CFAP299: variants seen among roughly 807,000 people sequenced by gnomAD.
CFAP299 encodes cilia and flagella associated protein 299.
Under a neutral mutation model 27.0 loss-of-function variants are expected in CFAP299, and 21 were observed. The ratio of observed to expected loss-of-function variants is 0.78; its 90% CI spans 0.55 to 1.12. The LOEUF (loss-of-function observed/expected upper bound fraction) is 1.12. Among genes scored for constraint, CFAP299 ranks in the 50% most tolerant of loss-of-function variants. The pLI is 0.00. For missense variants in CFAP299, 310 were observed against 276.6 expected (o/e 1.12, Z -0.86); for synonymous variants, 104 against 98.1 (o/e 1.06, Z -0.36).
At position 80,681,812 on chromosome 4, in the gene CFAP299, A is replaced by G. The variant is rs192813974; in HGVS notation, c.333+98629A>G. Among the ~76,000 whole-genome samples the G allele has an allele frequency of 2.1e-4, 32 of 152,296 alleles. No individual in the cohort carries two copies. In the East Asian group the frequency reaches 5.0e-3, roughly 24 times the overall value. ...AAGCCCATGAATACTTTGTGGGGAAACATTTTGATGTGTGGAAACTGGAGA... is the reference window on the plus strand; with the variant it reads ...AAGCCCATGAATACTTTGTGGGGAAGCATTTTGATGTGTGGAAACTGGAGA... On this transcript the variant is annotated intron_variant, in intron 3 of 5. Transcript: ENST00000358105.
At chr4:80,829,055 G>T (rs1257128262) in intron 3 of CFAP299, among the ~76,000 whole-genome samples, 2 of 151,618 alleles carry the variant, frequency 1.3e-5, no homozygotes, top group African/African-American at 2.4e-5. Flanking sequence ...AAAGGCACAG[G>T]TAAAAAAAGA....
At chr4:80,612,151 C>T (rs1738016815) in intron 3 of CFAP299, among the ~76,000 whole-genome samples, 1 of 151,738 alleles carries the variant, frequency 6.6e-6, no homozygotes. Context: ...TATTAGCAAA[C>T]CATCGTGTTT....
chr4:80,331,855 G>T (rs1052547017), upstream of CFAP299, among the ~76,000 whole-genome samples: 1 of 152,202 alleles, frequency 6.6e-6, no homozygotes, highest in Non-Finnish European at 1.5e-5. Context: ...AGCAATAAGT[G>T]TGGGTGAGAG....
intron 3 of CFAP299, among the ~76,000 whole-genome samples, chr4:80,663,266 T>G (rs2109984061): frequency 6.6e-6 from 1 of 152,304 alleles, no homozygotes; most frequent in South Asian, 2.1e-4. Context: ...GTATTTCTCC[T>G]AATGCTATCC....
At chr4:80,759,976 C>T (rs1420676042) in intron 3 of CFAP299, among the ~76,000 whole-genome samples, 1 of 151,820 alleles carries the variant, frequency 6.6e-6, no homozygotes, top group Non-Finnish European at 1.5e-5. Flanking sequence ...CTTTGCAAGT[C>T]TTTTTTCTCT....
chr4:80,426,172 C>G (rs1287760581), intron 2 of CFAP299, among the ~76,000 whole-genome samples: 1 of 150,986 alleles, frequency 6.6e-6, no homozygotes, highest in Admixed American at 6.6e-5. Context: ...TGACATTTAA[C>G]ATGTTAACTA....
chr4:80,550,760 A>AAC (rs10561056), intron 2 of CFAP299, among the ~76,000 whole-genome samples: 1,745 of 148,756 alleles, frequency 0.012, 18 homozygotes, highest in Middle Eastern at 0.024. Context: ...ATTAACTCAA[A>AAC]ACACACACAC....
chr4:80,756,014 C>T (rs1052311624), intron 3 of CFAP299, among the ~76,000 whole-genome samples: 16 of 151,922 alleles, frequency 1.1e-4, no homozygotes, highest in Non-Finnish European at 1.9e-4. Context: ...CCTGTTGGAC[C>T]CCTCATTTTC....
chr4:80,341,324 T>C (rs1442214267), intron 1 of CFAP299, among the ~76,000 whole-genome samples: 5 of 152,126 alleles, frequency 3.3e-5, no homozygotes, highest in Non-Finnish European at 5.9e-5. Context: ...GCACACCTGC[T>C]CTACCAAAAA....
intron 2 of CFAP299, among the ~76,000 whole-genome samples, chr4:80,551,476 C>T (rs111626068): frequency 3.7e-4 from 56 of 151,988 alleles, no homozygotes; most frequent in Admixed American, 1.4e-3. Flanking sequence ...GATATTTAGA[C>T]GTAAATGAAA....
intron 2 of CFAP299, among the ~76,000 whole-genome samples, chr4:80,509,365 C>T (rs972698326): frequency 7.9e-5 from 12 of 152,126 alleles, no homozygotes; most frequent in Non-Finnish European, 1.5e-4. Flanking sequence ...TCTCTGCTTA[C>T]AGAGGAAACA....
At chr4:80,589,288 G>A (rs1314255185) in intron 3 of CFAP299, among the ~76,000 whole-genome samples, 1 of 152,060 alleles carries the variant, frequency 6.6e-6, no homozygotes, top group Admixed American at 6.5e-5. Context: ...CAAGCAATCT[G>A]GGTCCAGATT....
intron 3 of CFAP299, among the ~76,000 whole-genome samples, chr4:80,674,343 AT>A (rs1225740980): frequency 9.1e-4 from 138 of 152,114 alleles, no homozygotes; most frequent in Non-Finnish European, 2.9e-4. Flanking sequence ...AATGTTGAAT[AT>A]TGGCCCCCAC....
At chr4:80,648,252 T>G (rs766621962) in intron 3 of CFAP299, among the ~76,000 whole-genome samples, 2 of 152,142 alleles carry the variant, frequency 1.3e-5, no homozygotes, top group Non-Finnish European at 2.9e-5. Context: ...CAGAAACTGA[T>G]ACTAGAATTT....
At chr4:80,380,737 G>A (rs1291421744) in intron 2 of CFAP299, among the ~76,000 whole-genome samples, 5 of 152,036 alleles carry the variant, frequency 3.3e-5, no homozygotes, top group African/African-American at 1.2e-4. Flanking sequence ...ACTCATTTTT[G>A]TTCTTACTTC....
In CFAP299 at chr4:80,424,115, C is replaced by A. The variant is rs575223465; in HGVS notation, c.242+61231C>A. On this transcript the variant is annotated intron_variant, in intron 2 of 5. Coordinates refer to ENST00000358105, the MANE Select transcript of CFAP299 (RefSeq NM_152770.3). ...GTGTGTCCTCCTGATCAGTCTTAAG[C>A]CATTTTGGAAGAGGAAGGGAAATTC... 3.3e-5 allele frequency among the ~76,000 whole-genome samples: 5 copies of A among 152,158 alleles called. No individual in the cohort carries two copies. In the East Asian group the frequency reaches 9.7e-4, roughly 29 times the overall value.
rs1727443454 is a variant in CFAP299, at chr4:80,789,745, A to G, written c.334-80248A>G. 2.0e-5 allele frequency among the ~76,000 whole-genome samples: 3 copies of G among 151,968 alleles called. No homozygotes were observed. The South Asian group carries it at 6.2e-4, about 32-fold the overall frequency. On this transcript the variant is annotated intron_variant, in intron 3 of 5. Transcript: ENST00000358105. Reference sequence around the variant, plus strand: ...TCTTAGGAAGCTGTTTTGAGGACCTACCCTTGACCGCAATTCCAGTATTGA... The same window carrying G: ...TCTTAGGAAGCTGTTTTGAGGACCTGCCCTTGACCGCAATTCCAGTATTGA...
intron 4 of CFAP299, among the ~76,000 whole-genome samples, chr4:80,875,886 A>G (rs985665321): frequency 7.9e-5 from 12 of 151,934 alleles, no homozygotes; most frequent in Non-Finnish European, 2.9e-5. Context: ...CTTAGATTCT[A>G]GAGGTCATAT....
intron 3 of CFAP299, among the ~76,000 whole-genome samples, chr4:80,861,871 C>G (rs1166256171): frequency 6.6e-6 from 1 of 152,018 alleles, no homozygotes; most frequent in African/African-American, 2.4e-5. Flanking sequence ...ATTGAACTGT[C>G]TTAGAAGTTT....
Sources: allele counts gnomAD v4.1 joint callset (sites outside exome capture counted in the v4.1 genomes callset), GRCh38; gene constraint gnomAD v4.1.1; transcripts MANE v1.5; gene names NCBI Gene and HGNC (gene_info 2026-07-23, HGNC 2026-07-21).